The following OPCML variants were observed in gnomAD, a reference collection of about 807,000 sequenced individuals.
OPCML encodes the protein opioid-binding protein/cell adhesion molecule.
OPCML carries 13 observed loss-of-function variants against 37.8 expected under a neutral mutation model. That is an observed-to-expected ratio of 0.34 (90% confidence interval 0.22 to 0.55). The LOEUF (loss-of-function observed/expected upper bound fraction) is 0.55. Ranked by LOEUF, OPCML falls within the 20% of genes least tolerant of loss-of-function variation. OPCML has a pLI of 0.91. For synonymous variants in OPCML, 176 were observed against 168.8 expected (o/e 1.04, Z -0.33); for missense variants, 341 against 435.6 (o/e 0.78, Z 1.93).
Position 132,781,954 on chromosome 11 carries a change from A to AT in OPCML, c.147-124636dup, listed in dbSNP as rs10717332. Among the ~76,000 whole-genome samples the AT allele has an allele frequency of 1.4e-3, 155 of 107,778 alleles. 1 individual carries two copies. The highest frequency in any genetic ancestry group is 2.1e-3 in the Non-Finnish European group (110 of 53,054). The allele number at this position is 107,778 out of a possible 152,430, so 70.7% of individuals were successfully genotyped here. On this transcript the variant is annotated intron_variant, in intron 2 of 7. Coordinates refer to ENST00000524381, the MANE Select transcript of OPCML (RefSeq NM_001012393.5). ...TATATATACATATATATATATATAT[A>AT]TTTTTTTTTTTTTTTTTTCTTGAGA...
At chr11:132,982,326 C>T (rs745786154) in intron 1 of OPCML, among the ~76,000 whole-genome samples, 1 of 141,432 alleles carries the variant, frequency 7.1e-6, no homozygotes, top group Non-Finnish European at 1.5e-5. Context: ...ACACCTCTAC[C>T]TTTCTCTCCC....
chr11:133,530,759 G>A (rs1438505197), intron 1 of OPCML, among the ~76,000 whole-genome samples: 1 of 152,170 alleles, frequency 6.6e-6, no homozygotes, highest in African/African-American at 2.4e-5. Context: ...GCTTTAAAAA[G>A]TGCCATCTTC....
chr11:132,561,110 A>G (rs1023780720), intron 3 of OPCML, among the ~76,000 whole-genome samples: 4 of 152,286 alleles, frequency 2.6e-5, no homozygotes, highest in African/African-American at 9.6e-5. Flanking sequence ...CTTAATACCA[A>G]CACTCAAAAA....
At chr11:132,649,100 CTG>C (rs1941303118) in intron 3 of OPCML, among the ~76,000 whole-genome samples, 1 of 151,954 alleles carries the variant, frequency 6.6e-6, no homozygotes. Flanking sequence ...CCCATGAAAA[CTG>C]TGTGCGTGTA....
At chr11:132,504,411 C>A (rs138644102) in intron 4 of OPCML, among the ~76,000 whole-genome samples, 19 of 152,312 alleles carry the variant, frequency 1.2e-4, no homozygotes, top group African/African-American at 4.6e-4. Flanking sequence ...TGGCTCCAAG[C>A]AATGCATATT....
intron 3 of OPCML, among the ~76,000 whole-genome samples, chr11:132,540,335 C>G (rs2096353132): frequency 6.6e-6 from 1 of 152,154 alleles, no homozygotes. Flanking sequence ...TTCCAGGTGC[C>G]TCTCAGCACA....
chr11:132,876,344 A>C (rs117150708), intron 2 of OPCML, among the ~76,000 whole-genome samples: 3,611 of 152,308 alleles, frequency 0.024, 63 homozygotes, highest in Middle Eastern at 0.051. Flanking sequence ...TCCTGAGAGC[A>C]AACCCTTTAT....
intron 2 of OPCML, among the ~76,000 whole-genome samples, chr11:132,840,543 C>T (rs1591684021): frequency 1.3e-5 from 2 of 152,258 alleles, no homozygotes; most frequent in Non-Finnish European, 1.5e-5. Flanking sequence ...AGGTTTGAAT[C>T]AGTCCTCTGC....
intron 2 of OPCML, among the ~76,000 whole-genome samples, chr11:132,662,687 C>T (rs1037654598): frequency 3.3e-5 from 5 of 152,228 alleles, no homozygotes; most frequent in African/African-American, 1.2e-4. Context: ...CCAAGAAATG[C>T]CCTTCCATGG....
intron 3 of OPCML, among the ~76,000 whole-genome samples, chr11:132,564,754 G>T (rs981561076): frequency 6.6e-6 from 1 of 152,178 alleles, no homozygotes; most frequent in Admixed American, 6.5e-5. Context: ...GGTCTCTGTG[G>T]ATGTGTTTTA....
At chr11:132,994,456 G>A (rs1946844987) in intron 1 of OPCML, among the ~76,000 whole-genome samples, 1 of 152,188 alleles carries the variant, frequency 6.6e-6, no homozygotes, top group Admixed American at 6.5e-5. Flanking sequence ...CGCCGTGCAG[G>A]CGCCTCGTGG....
chr11:132,431,217 G>A (rs531443863), intron 7 of OPCML, among the ~76,000 whole-genome samples: 39 of 152,204 alleles, frequency 2.6e-4, no homozygotes, highest in Non-Finnish European at 2.6e-4. Flanking sequence ...CCTGTTCCTT[G>A]CCTTTTGTTC....
rs564009513 is a variant in OPCML at position 133,206,473 on chromosome 11, C to T, written c.62-263463G>A. ...CTTTCAGCTCTTGAACTGCTGGATT[C>T]TATGATTCTTCCGTTAAAGTTGTGA... On this transcript the variant is annotated intron_variant, in intron 1 of 7. Coordinates refer to ENST00000524381, the MANE Select transcript of OPCML (RefSeq NM_001012393.5). The surrounding 1 kb of genome is among the most constrained non-coding windows in gnomAD (Gnocchi z 4.7). 4.1e-4 allele frequency among the ~76,000 whole-genome samples: 62 copies of T among 152,180 alleles called. No homozygotes were observed. Among genetic ancestry groups the T allele is most frequent in the Non-Finnish European group, 7.2e-4 (49 of 68,032 alleles).
At chr11:133,224,048 T>G (rs1252629273) in intron 1 of OPCML, among the ~76,000 whole-genome samples, 4 of 152,178 alleles carry the variant, frequency 2.6e-5, no homozygotes, top group African/African-American at 7.2e-5. Context: ...GGGAGGGTGA[T>G]GGACTCATTT....
At chr11:133,416,301 C>G (rs1945763877) in intron 1 of OPCML, among the ~76,000 whole-genome samples, 1 of 152,124 alleles carries the variant, frequency 6.6e-6, no homozygotes, top group Non-Finnish European at 1.5e-5. Context: ...CCTCCCCAAC[C>G]CCTCTCTAAA....
In OPCML at chr11:133,430,070, G is replaced by T. The variant is rs536683069; in HGVS notation, c.61+102194C>A. On this transcript the variant is annotated intron_variant, in intron 1 of 7. Coordinates refer to ENST00000524381, the MANE Select transcript of OPCML (RefSeq NM_001012393.5). ...TGCAGAGGAGAGGAGAGAATTGCCA[G>T]TGAGGTAGGAGGTTGTGGTGATGAA... Among the ~76,000 whole-genome samples, 156 of 152,294 alleles carry T rather than the reference G, an allele frequency of 1.0e-3. 1 individual carries two copies. The highest frequency in any genetic ancestry group is 3.4e-3 in the African/African-American group (143 of 41,560).
chr11:133,235,675 A>C (rs1021272432), intron 1 of OPCML, among the ~76,000 whole-genome samples: 9 of 152,112 alleles, frequency 5.9e-5, no homozygotes, highest in Non-Finnish European at 4.4e-5. Context: ...ACCCCAAAAA[A>C]TTACTCCTTG....
At chr11:132,501,211 C>G (rs1461589903) in intron 4 of OPCML, among the ~76,000 whole-genome samples, 1 of 152,156 alleles carries the variant, frequency 6.6e-6, no homozygotes, top group African/African-American at 2.4e-5. Flanking sequence ...TTTCCTTACA[C>G]CTTATACAAA....
intron 3 of OPCML, among the ~76,000 whole-genome samples, chr11:132,581,409 T>C (rs2096461764): frequency 6.6e-6 from 1 of 152,222 alleles, no homozygotes; most frequent in Admixed American, 6.5e-5. Flanking sequence ...ACTGCTCTCC[T>C]ATGTTTTGGT....
Sources: allele counts gnomAD v4.1 joint callset (sites outside exome capture counted in the v4.1 genomes callset), GRCh38; gene constraint gnomAD v4.1.1; non-coding constraint Gnocchi (gnomAD v3.1); transcripts MANE v1.5; gene names NCBI Gene and HGNC (gene_info 2026-07-23, HGNC 2026-07-21).